The following EGFR variants were observed in gnomAD, a reference collection of about 807,000 sequenced individuals.
EGFR encodes avian erythroblastic leukemia viral (v-erb-b) oncogene homolog.
A neutral mutation model predicts 143.0 loss-of-function variants in EGFR; 58 were observed. That is an observed-to-expected ratio of 0.41 (90% CI 0.33 to 0.50). The LOEUF (loss-of-function observed/expected upper bound fraction) is 0.50. Among genes scored for constraint, EGFR ranks in the 20% least tolerant of loss-of-function variants. The pLI, the probability that EGFR is intolerant of heterozygous loss-of-function variation, is 0.39. For synonymous variants in EGFR, 613 were observed against 594.4 expected, an observed-to-expected ratio of 1.03 and a Z score of -0.45; for missense variants, 1,307 against 1,579.0, an observed-to-expected ratio of 0.83 and a Z score of 2.92.
chr7:55,170,553 C>T (rs768740350), intron 15 of EGFR: 11 of 1,612,732 alleles, frequency 6.8e-6, no homozygotes, highest in African/African-American at 2.7e-5. Context: ...GAGCCTCATG[C>T]CTTCACGTGT....
intron 1 of EGFR, among the ~76,000 whole-genome samples, chr7:55,021,147 A>G (rs1035818202): frequency 1.3e-5 from 2 of 152,210 alleles, no homozygotes; most frequent in Non-Finnish European, 2.9e-5. Flanking sequence ...GGGAAAAGGT[A>G]GAGTGTGATT....
At chr7:55,073,528 A>G (rs1789954072) in intron 1 of EGFR, among the ~76,000 whole-genome samples, 1 of 152,216 alleles carries the variant, frequency 6.6e-6, no homozygotes, top group African/African-American at 2.4e-5. Context: ...TGCAGCTCAC[A>G]TTTTGTATAT....
intron 1 of EGFR, among the ~76,000 whole-genome samples, chr7:55,060,939 T>C (rs193207692): frequency 2.0e-5 from 3 of 152,310 alleles, no homozygotes. Context: ...TACTTGGACA[T>C]GGCCAAGTTG....
chr7:55,021,522 G>T (rs917579280), intron 1 of EGFR, among the ~76,000 whole-genome samples: 2 of 152,218 alleles, frequency 1.3e-5, no homozygotes, highest in Admixed American at 6.5e-5. Context: ...AAAACAGAAT[G>T]CTCCTGAAGA....
At chr7:55,062,954 G>A (rs1223609762) in intron 1 of EGFR, among the ~76,000 whole-genome samples, 1 of 152,032 alleles carries the variant, frequency 6.6e-6, no homozygotes, top group Non-Finnish European at 1.5e-5. Context: ...TGGCTTTCGA[G>A]AGAGGCACCA....
intron 15 of EGFR, chr7:55,170,672 C>T (rs752776901): frequency 8.1e-5 from 129 of 1,590,956 alleles, no homozygotes; most frequent in Non-Finnish European, 1.0e-4. Context: ...TGCCTCTCAC[C>T]CCAACTAGTA....
At chr7:55,171,343 A>G (rs1786340332) in intron 16 of EGFR, 130 bp downstream of exon 16, 14 of 1,325,098 alleles carry the variant, frequency 1.1e-5, no homozygotes, top group African/African-American at 1.4e-5. Flanking sequence ...GGGCCAGCCT[A>G]CCCTCAGCCA....
chr7:55,107,034 G>A (rs1183897894), intron 1 of EGFR, among the ~76,000 whole-genome samples: 1 of 152,106 alleles, frequency 6.6e-6, no homozygotes, highest in Non-Finnish European at 1.5e-5. Flanking sequence ...GGAAAAGTCA[G>A]TTTGTTTTGC....
chr7:55,130,147 A>G (rs376979449), intron 1 of EGFR, among the ~76,000 whole-genome samples: 4 of 152,274 alleles, frequency 2.6e-5, no homozygotes, highest in East Asian at 3.9e-4. Context: ...GCGCTGCTTC[A>G]GGCTCATGCT....
chr7:55,042,073 C>T (rs1412301472), intron 1 of EGFR, among the ~76,000 whole-genome samples: 1 of 152,172 alleles, frequency 6.6e-6, no homozygotes, highest in Non-Finnish European at 1.5e-5. Flanking sequence ...AATATATGAT[C>T]TTCTGAGTCC....
chr7:55,054,034 T>C (rs1788645268), intron 1 of EGFR, among the ~76,000 whole-genome samples: 1 of 141,338 alleles, frequency 7.1e-6, no homozygotes, highest in African/African-American at 2.5e-5. Context: ...ATATTTTCCA[T>C]GTGTGTTAAC....
At chr7:55,149,129 A>G (rs1426761831) in intron 4 of EGFR, among the ~76,000 whole-genome samples, 2 of 152,124 alleles carry the variant, frequency 1.3e-5, no homozygotes, top group Non-Finnish European at 2.9e-5. Flanking sequence ...TGTAATATCA[A>G]GTTGAAGAAA....
intron 1 of EGFR, among the ~76,000 whole-genome samples, chr7:55,134,982 A>C (rs538924274): frequency 1.1e-4 from 16 of 152,290 alleles, no homozygotes. Flanking sequence ...AGATCATCCC[A>C]TAATGGTACC....
intron 1 of EGFR, among the ~76,000 whole-genome samples, chr7:55,130,259 C>T (rs548126117): frequency 2.0e-4 from 30 of 152,286 alleles, no homozygotes; most frequent in African/African-American, 5.8e-4. Flanking sequence ...CAAGTGCCTA[C>T]GTGCAGGAAC....
At position 55,192,592 on chromosome 7, in the gene EGFR, C is replaced by T. The variant is rs941123526; in HGVS notation, c.2626-174C>T. ...AACCTACCAGAGCAGCCCTGAACTC[C>T]GTCAGACTGAAATCCCCTGTTGCCG... On this transcript the variant is annotated intron_variant, in intron 21 of 27. Transcript: ENST00000275493. Among the ~76,000 whole-genome samples, 4 of 152,238 alleles carry T rather than the reference C, an allele frequency of 2.6e-5. No homozygotes were observed. The East Asian group carries it at 5.8e-4, about 22-fold the overall frequency.
chr7:55,170,397 G>A (rs1235478360), intron 15 of EGFR: 2 of 1,614,054 alleles, frequency 1.2e-6, no homozygotes, highest in African/African-American at 2.7e-5. Context: ...TGTCCCACCA[G>A]AGCGGGAGCC....
Position 55,201,306 on chromosome 7 carries a change from G to A in EGFR, c.3065G>A (p.Gly1022Asp), listed in dbSNP as rs747726185. The change falls in exon 25 of 28, where the codon GGC becomes GAC. Residue 1022 changes from glycine to aspartate, a missense_variant. Gly to Asp is a moderately conservative substitution (Grantham distance 94). Around this residue, in one of 7 missense-constraint regions of EGFR, gnomAD observed 313 missense variants for 312.3 expected, o/e 1.00. Coordinates refer to ENST00000275493, the MANE Select transcript of EGFR (RefSeq NM_005228.5). ...DADEYLIPQQ[G>D]FFSSPSTSRT... ...GACGAGTACCTCATCCCACAGCAGG[G>A]CTTCTTCAGCAGCCCCTCCACGTCA... 7 of 1,613,996 alleles carry A rather than the reference G, an allele frequency of 4.3e-6. No homozygotes were observed. In the Admixed American group the frequency reaches 1.0e-4, roughly 23 times the overall value.
At position 55,028,017 on chromosome 7, in the gene EGFR, TATATATATAC is replaced by T. The variant is rs1312391614; in HGVS notation, c.88+8654_88+8663del. ...ATATATATATATATATATATATATATATATATATACACACACACACACATATGGAGGTAAA... is the reference window on the plus strand; with the variant it reads ...ATATATATATATATATATATATATATACACACACACACATATGGAGGTAAA... On this transcript the variant is annotated intron_variant, in intron 1 of 27. Coordinates refer to ENST00000275493, the MANE Select transcript of EGFR (RefSeq NM_005228.5). Among the ~76,000 whole-genome samples the T allele has an allele frequency of 5.6e-3, 651 of 117,216 alleles. 2 individuals carry two copies. The highest frequency in any genetic ancestry group is 0.025 in the African/African-American group (610 of 23,994). The allele number at this position is 117,216 out of a possible 152,430, so 76.9% of individuals were successfully genotyped here.
Position 55,152,671 on chromosome 7 carries a change from T to A in EGFR, c.747+7T>A, listed in dbSNP as rs2128933922. Reference sequence around the variant, plus strand: ...CCGGGAGAGCGACTGCCTGGTAAGATGCCCCTCCAGCAGCCTCCCTGGAGC... The same window carrying A: ...CCGGGAGAGCGACTGCCTGGTAAGAAGCCCCTCCAGCAGCCTCCCTGGAGC... On this transcript the variant is annotated splice_region_variant and intron_variant, in intron 6 of 27. Transcript: ENST00000275493. 6.2e-7 allele frequency: 1 copy of A among 1,612,632 alleles called. No individual in the cohort carries two copies. The highest frequency in any genetic ancestry group is 8.5e-7 in the Non-Finnish European group (1 of 1,179,420).
Sources: gnomAD v4.1 joint callset for allele counts (sites outside exome capture counted in the v4.1 genomes callset) on GRCh38, gnomAD v4.1.1 for gene constraint, gnomAD v4.1.1 regional missense constraint, MANE v1.5 for transcripts, NCBI Gene and HGNC (gene_info 2026-07-23, HGNC 2026-07-21) for gene names.